HS6ST2: variants seen among roughly 807,000 people sequenced by gnomAD.
HS6ST2 encodes the protein heparan-sulfate 6-O-sulfotransferase 2.
HS6ST2 carries 17 observed loss-of-function variants against 33.0 expected under a neutral mutation model. The observed-to-expected ratio is 0.52, with a 90% CI of 0.35 to 0.77. The LOEUF is 0.77. Among genes scored for constraint, HS6ST2 ranks in the 30% least tolerant of loss-of-function variants. The pLI, the probability that HS6ST2 is intolerant of heterozygous loss-of-function variation, is 0.01. For missense variants in HS6ST2, 519 were observed against 551.7 expected (o/e 0.94, Z 0.59); for synonymous variants, 248 against 237.1 (o/e 1.05, Z -0.42).
intron 2 of HS6ST2, among the ~76,000 whole-genome samples, chrX:132,788,645 T>C (rs2065088450): frequency 8.9e-6 from 1 of 112,808 alleles, no homozygotes; most frequent in Admixed American, 9.4e-5. Flanking sequence ...AAACTAGGCC[T>C]CTTGGTAAAA....
At chrX:132,828,830 T>C (rs1304131771) in intron 2 of HS6ST2, among the ~76,000 whole-genome samples, 1 of 102,979 alleles carries the variant, frequency 9.7e-6, no homozygotes, top group Non-Finnish European at 2.0e-5. Context: ...GCTGTACATA[T>C]ATTTATAATT....
intron 2 of HS6ST2, among the ~76,000 whole-genome samples, chrX:132,722,816 G>A (rs1481148178): frequency 9.2e-6 from 1 of 108,230 alleles, no homozygotes; most frequent in African/African-American, 3.4e-5. Flanking sequence ...TGCTGTGAAG[G>A]TGATTGAGAT....
At position 132,724,643 on chromosome X, in the gene HS6ST2, G is replaced by A. The variant is rs775497772; in HGVS notation, c.948-16149C>T. Among the ~76,000 whole-genome samples, 213 of 111,571 alleles carry A rather than the reference G, an allele frequency of 1.9e-3. 3 individuals carry two copies. The highest frequency in any genetic ancestry group is 6.5e-3 in the African/African-American group (200 of 30,727). On this transcript the variant is annotated intron_variant, in intron 2 of 4. Transcript: ENST00000370833. The stretch of plus-strand genomic sequence containing the variant: ...AACAGTGATATCCTTCACAGAAATA[G>A]CAAAAAAATCATCCTAAAATTTCTA...
intron 2 of HS6ST2, among the ~76,000 whole-genome samples, chrX:132,752,777 C>G (rs1453027483): frequency 8.9e-6 from 1 of 112,498 alleles, no homozygotes; most frequent in Non-Finnish European, 1.9e-5. Flanking sequence ...CTTCTTCGCC[C>G]TGAGGAAGAC....
chrX:132,681,804 C>A lies in HS6ST2; in HGVS notation c.981-12605G>T, dbSNP rs1228345718. On this transcript the variant is annotated intron_variant, in intron 3 of 4. Coordinates refer to ENST00000370833, the MANE Select transcript of HS6ST2 (RefSeq NM_001394073.1). ...TTCTCTCCAGCCACAAAACAATCAA[C>A]TTCTTACTTAATAAAGTCTTTAAAC... Among the ~76,000 whole-genome samples the A allele has an allele frequency of 3.6e-5, 4 of 111,668 alleles. No individual in the cohort carries two copies. The Admixed American group carries it at 3.8e-4, about 11-fold the overall frequency.
chrX:132,906,292 A>C (rs1378130702), intron 2 of HS6ST2, among the ~76,000 whole-genome samples: 1 of 112,264 alleles, frequency 8.9e-6, no homozygotes, highest in African/African-American at 3.2e-5. Context: ...TGCAAATGAC[A>C]TATTTCTCTA....
At chrX:132,854,595 T>G (rs944353464) in intron 2 of HS6ST2, among the ~76,000 whole-genome samples, 3 of 112,672 alleles carry the variant, frequency 2.7e-5, no homozygotes, top group Non-Finnish European at 5.6e-5. Context: ...CATAATATAT[T>G]TGTGGTCCTT....
intron 2 of HS6ST2, among the ~76,000 whole-genome samples, chrX:132,865,350 G>A (rs1213036634): frequency 9.0e-6 from 1 of 110,688 alleles, no homozygotes; most frequent in Admixed American, 9.6e-5. Flanking sequence ...GTGTATATGT[G>A]CCACATTTTC....
chrX:132,801,864 G>A lies in HS6ST2; in HGVS notation c.948-93370C>T, dbSNP rs566470037. Among the ~76,000 whole-genome samples the A allele has an allele frequency of 4.5e-5, 5 of 111,928 alleles. No individual in the cohort carries two copies. In the South Asian group the frequency reaches 1.1e-3, roughly 25 times the overall value. ...TACTATTATTTTAAAAATTCATACC[G>A]AAGGGATCCAATTAAACATGTGGCT... On this transcript the variant is annotated intron_variant, in intron 2 of 4. Coordinates refer to ENST00000370833, the MANE Select transcript of HS6ST2 (RefSeq NM_001394073.1).
intron 3 of HS6ST2, among the ~76,000 whole-genome samples, chrX:132,687,968 C>T (rs748779521): frequency 1.5e-3 from 172 of 111,660 alleles, no homozygotes; most frequent in Non-Finnish European, 2.6e-3. Flanking sequence ...AGGCTGCTCT[C>T]GAACTCCTGA....
At chrX:132,635,965 C>T (rs771951917) in intron 4 of HS6ST2, among the ~76,000 whole-genome samples, 60 of 110,874 alleles carry the variant, frequency 5.4e-4, no homozygotes, top group South Asian at 3.9e-4. Flanking sequence ...GTCTCCTCCG[C>T]GAAACCTTCC....
intron 2 of HS6ST2, among the ~76,000 whole-genome samples, chrX:132,954,859 G>A (rs1314122465): frequency 8.9e-6 from 1 of 111,960 alleles, no homozygotes; most frequent in Non-Finnish European, 1.9e-5. Flanking sequence ...GAGGCTTTGA[G>A]GGGTTCTGGT....
chrX:132,783,361 G>C (rs1332187036), intron 2 of HS6ST2, among the ~76,000 whole-genome samples: 1 of 111,782 alleles, frequency 8.9e-6, no homozygotes, highest in Non-Finnish European at 1.9e-5. Context: ...TCTTGACACA[G>C]ATTTGTGTGA....
At chrX:132,793,436 T>C (rs776309921) in intron 2 of HS6ST2, among the ~76,000 whole-genome samples, 1 of 111,166 alleles carries the variant, frequency 9.0e-6, no homozygotes, top group African/African-American at 3.3e-5. Flanking sequence ...TGTCCCTGAT[T>C]TCAGGTAGAA....
chrX:132,843,500 C>T (rs910539001), intron 2 of HS6ST2, among the ~76,000 whole-genome samples: 2 of 111,341 alleles, frequency 1.8e-5, no homozygotes, highest in African/African-American at 6.5e-5. Context: ...CAATGTGATG[C>T]CTTTTTTAAA....
Position 132,896,996 on chromosome X carries a change from T to A in HS6ST2, c.947+59812A>T, listed in dbSNP as rs186053091. On this transcript the variant is annotated intron_variant, in intron 2 of 4. Transcript: ENST00000370833. Reference sequence around the variant, plus strand: ...TTAGAAGGATTTCGACAGCATGTGATCCATCAGGAAAGACTAACTGAAAGA... The same window carrying A: ...TTAGAAGGATTTCGACAGCATGTGAACCATCAGGAAAGACTAACTGAAAGA... Among the ~76,000 whole-genome samples, 9 of 111,791 alleles carry A rather than the reference T, an allele frequency of 8.1e-5. No individual in the cohort carries two copies. The East Asian group carries it at 2.0e-3, about 24-fold the overall frequency.
chrX:132,799,619 C>A (rs1406679197), intron 2 of HS6ST2, among the ~76,000 whole-genome samples: 3 of 110,942 alleles, frequency 2.7e-5, no homozygotes, highest in African/African-American at 9.8e-5. Flanking sequence ...TGGGATCAAG[C>A]AATCCACCCA....
chrX:132,628,388 C>T lies in HS6ST2; in HGVS notation c.1773G>A (p.Pro591=), dbSNP rs1403085206. Residue 591 remains proline (P), a synonymous_variant, in exon 5 of 5, where the codon CCG becomes CCA. Coordinates refer to ENST00000370833, the MANE Select transcript of HS6ST2 (RefSeq NM_001394073.1). Reference sequence around the variant, plus strand: ...TCTGAGTCAGGTTCTGATTGGCATTCGGATTTGGGTTCTGACTCTGATTCT... The same window carrying T: ...TCTGAGTCAGGTTCTGATTGGCATTTGGATTTGGGTTCTGACTCTGATTCT... ...PNQNQSQNPN[P]NANQNLTQNL... is the part of the protein sequence containing the mutation. 3 of 1,185,279 alleles carry T rather than the reference C, an allele frequency of 2.5e-6. No homozygotes were observed. Among genetic ancestry groups the T allele is most frequent in the Non-Finnish European group, 3.4e-6 (3 of 878,802 alleles).
chrX:132,731,983 T>C (rs1256939610), intron 2 of HS6ST2, among the ~76,000 whole-genome samples: 3 of 112,147 alleles, frequency 2.7e-5, no homozygotes, highest in South Asian at 3.8e-4. Context: ...CCTGGAAATA[T>C]TGGTAAAGCC....
Sources: gnomAD v4.1 joint callset for allele counts (sites outside exome capture counted in the v4.1 genomes callset) on GRCh38, gnomAD v4.1.1 for gene constraint, MANE v1.5 for transcripts, NCBI Gene and HGNC (gene_info 2026-07-23, HGNC 2026-07-21) for gene names.